The following TMEM19 variants were observed in gnomAD, a reference collection of about 807,000 sequenced individuals.
TMEM19 encodes the protein transmembrane protein 19.
A neutral mutation model predicts 33.6 loss-of-function variants in TMEM19; 21 were observed. The ratio of observed to expected loss-of-function variants is 0.62; its 90% CI spans 0.44 to 0.90. The LOEUF (loss-of-function observed/expected upper bound fraction) is 0.90, where lower values mean the gene tolerates loss of function less well. Ranked by LOEUF, TMEM19 falls within the 40% of genes least tolerant of loss-of-function variation. The probability of loss-of-function intolerance (pLI) is 0.00; values close to 1 mark genes in which losing one functional copy is unlikely to be tolerated. For synonymous variants in TMEM19, 149 were observed against 147.5 expected (o/e 1.01, Z -0.07); for missense variants, 402 against 401.8 (o/e 1.00, Z 0.00).
At chr12:71,696,880 C>T (rs771756348) in intron 3 of TMEM19, among the ~76,000 whole-genome samples, 2 of 152,114 alleles carry the variant, frequency 1.3e-5, no homozygotes, top group Non-Finnish European at 2.9e-5. Context: ...ATCTCCTGAC[C>T]TCGTGATCCG....
intron 2 of TMEM19, 107 bp downstream of exon 2, chr12:71,689,811 GTT>G (rs1268260499): frequency 2.6e-6 from 2 of 761,562 alleles, no homozygotes; most frequent in Non-Finnish European, 4.2e-6. Context: ...ACAAATCACA[GTT>G]ATATATTTTA....
At chr12:71,693,784 G>A (rs985443586) in intron 2 of TMEM19, among the ~76,000 whole-genome samples, 14 of 152,066 alleles carry the variant, frequency 9.2e-5, no homozygotes, top group Non-Finnish European at 1.5e-4. Flanking sequence ...TGCTGTTCTC[G>A]TGATAGTGAA....
At chr12:71,690,522 T>C (rs1881767507) in intron 2 of TMEM19, 2 of 152,184 alleles carry the variant, frequency 1.3e-5, no homozygotes, top group African/African-American at 4.8e-5. Context: ...GGGATAGATC[T>C]GTAAACAAAA....
chr12:71,689,412 T>C (rs1449120418), intron 1 of TMEM19, among the ~76,000 whole-genome samples, 179 bp from the exon 2 acceptor site: 2 of 152,222 alleles, frequency 1.3e-5, no homozygotes, highest in African/African-American at 4.8e-5. Context: ...TAAGGATGCA[T>C]TTCTCAGAAC....
chr12:71,691,965 A>G (rs1272958708), intron 2 of TMEM19, among the ~76,000 whole-genome samples: 2 of 152,214 alleles, frequency 1.3e-5, no homozygotes, highest in African/African-American at 4.8e-5. Flanking sequence ...GATTAGAATT[A>G]AAAGATATGA....
intron 1 of TMEM19, 72 bp downstream of exon 1, chr12:71,686,882 T>C (rs1881700114): frequency 1.4e-6 from 2 of 1,466,556 alleles, no homozygotes; most frequent in East Asian, 2.3e-5. Flanking sequence ...CATTGTGAAA[T>C]CCAAAACTCA....
chr12:71,690,145 C>T (rs7968519), intron 2 of TMEM19, among the ~76,000 whole-genome samples: 15,068 of 152,092 alleles, frequency 0.099, 1,041 homozygotes, highest in African/African-American at 0.19. Context: ...ACAGGATATG[C>T]ATTCATTCTT....
chr12:71,696,387 T>G, intron 2 of TMEM19, 49 bp from the exon 3 acceptor site: 1 of 1,410,390 alleles, frequency 7.1e-7, no homozygotes, highest in Non-Finnish European at 9.6e-7. Flanking sequence ...TTTCACAGCA[T>G]TGATGTATGA....
At position 71,697,502 on chromosome 12, in the gene TMEM19, G is replaced by C. The variant is rs753272057; in HGVS notation, c.605G>C (p.Arg202Thr). 1.3e-6 allele frequency: 2 copies of C among 1,584,894 alleles called. No homozygotes were observed. The highest frequency in any genetic ancestry group is 2.4e-5 in the South Asian group (2 of 84,004). ...CCAGTTCTGAGTAAAAGTTCTCCAA[G>C]ACTGATAACAACCTGGGAGAAAGTT... The part of the protein sequence containing the change: ...VGPVLSKSSP[R>T]LITTWEKVPV... Residue 202 changes from arginine to threonine, a missense_variant, in exon 4 of 6, where the codon AGA becomes ACA. Arg to Thr is a moderately conservative substitution (Grantham distance 71). Transcript: ENST00000266673.
At chr12:71,695,923 G>C (rs1881862775) in intron 2 of TMEM19, among the ~76,000 whole-genome samples, 1 of 152,154 alleles carries the variant, frequency 6.6e-6, no homozygotes, top group African/African-American at 2.4e-5. Context: ...AGGTACCAAA[G>C]TTAAATACCA....
At chr12:71,698,035 G>A (rs1412321173) in intron 4 of TMEM19, among the ~76,000 whole-genome samples, 1 of 152,166 alleles carries the variant, frequency 6.6e-6, no homozygotes, top group East Asian at 1.9e-4. Context: ...TCAGATTCGG[G>A]ATGTTCAACT....
chr12:71,694,220 C>G (rs1212182463), intron 2 of TMEM19, among the ~76,000 whole-genome samples: 1 of 152,108 alleles, frequency 6.6e-6, no homozygotes, highest in East Asian at 1.9e-4. Flanking sequence ...GCTCTGGTCT[C>G]TTGGAGAGAG....
intron 2 of TMEM19, among the ~76,000 whole-genome samples, chr12:71,691,750 A>T (rs1310746478): frequency 3.3e-5 from 5 of 151,886 alleles, no homozygotes; most frequent in Non-Finnish European, 7.4e-5. Flanking sequence ...AAGAAAAAAA[A>T]AAAAAGCTCT....
chr12:71,686,800 C>A lies in TMEM19; in HGVS notation c.120C>A (p.Ser40Arg). 6.2e-7 allele frequency: 1 copy of A among 1,610,010 alleles called. No individual in the cohort carries two copies. The highest frequency in any genetic ancestry group is 8.5e-7 in the Non-Finnish European group (1 of 1,178,776). The stretch of plus-strand genomic sequence containing the variant: ...TCTGGATTATATCAATGACTGCAAG[C>A]ACCTATTATGGTAAGTCTGAGTGTT... The part of the protein sequence containing the change: ...LAFWIISMTA[S>R]TYYGNLRPIS... The change falls in exon 1 of 6, where the codon AGC (serine) becomes AGA (arginine). Residue 40 changes from serine (S) to arginine (R), a missense_variant. Transcript: ENST00000266673.
At chr12:71,698,607 AAGAGAGAGAGAGAG>A (rs71068787) in intron 4 of TMEM19, among the ~76,000 whole-genome samples, 13,106 of 121,112 alleles carry the variant, frequency 0.11, 713 homozygotes, top group African/African-American at 0.15. Context: ...TGTCTCTGAA[AAGAGAGAGAGAGAG>A]AGAGAGAGAG....
At position 71,702,826 on chromosome 12, in the gene TMEM19, G is replaced by A. The variant is rs1222237578; in HGVS notation, c.*1831G>A. On this transcript the variant is annotated 3_prime_UTR_variant, in exon 6 of 6. Transcript: ENST00000266673. ...GTTGGACAATGAGGCCCATGCATGG[G>A]TATTTTTACAAAGCTCTCTGGGAGA... is the stretch of plus-strand genomic sequence containing the variant. The A allele has an allele frequency of 6.6e-6, 1 of 152,094 alleles. No homozygotes were observed. The highest frequency in any genetic ancestry group is 1.5e-5 in the Non-Finnish European group (1 of 68,026). The allele number at this position is 152,094 out of a possible 1,614,324, so 9.4% of individuals were successfully genotyped here.
intron 1 of TMEM19, among the ~76,000 whole-genome samples, chr12:71,687,276 T>A (rs1016836606): frequency 1.3e-5 from 2 of 152,358 alleles, no homozygotes; most frequent in African/African-American, 2.4e-5. Flanking sequence ...CTTTTAATTT[T>A]GAATAAGAAT....
At position 71,703,938 on chromosome 12, in the gene TMEM19, G is replaced by A. The variant is rs1409853239; in HGVS notation, c.*2943G>A. On this transcript the variant is annotated 3_prime_UTR_variant, in exon 6 of 6. Transcript: ENST00000266673. ...ATTTTACTGTAACATCTTTTGAATT[G>A]GATATTTAACTAATTCAACATATTT... is the stretch of plus-strand genomic sequence containing the variant. 8.7e-6 allele frequency: 3 copies of A among 346,716 alleles called. No homozygotes were observed. Among genetic ancestry groups the A allele is most frequent in the African/African-American group, 2.6e-5 (1 of 38,882 alleles). 21.5% of individuals were successfully genotyped at this position (346,716 alleles called of 1,614,324 possible). A position where few individuals can be genotyped will look rare whatever the true frequency, so the allele number is the denominator to read the frequency against.
chr12:71,695,676 A>G (rs1881858757), intron 2 of TMEM19, among the ~76,000 whole-genome samples: 1 of 152,204 alleles, frequency 6.6e-6, no homozygotes, highest in Non-Finnish European at 1.5e-5. Flanking sequence ...TAATAAGCAT[A>G]TTACAAAAAT....
Sources: allele counts gnomAD v4.1 joint callset (sites outside exome capture counted in the v4.1 genomes callset), GRCh38; gene constraint gnomAD v4.1.1; transcripts MANE v1.5; gene names NCBI Gene and HGNC (gene_info 2026-07-23, HGNC 2026-07-21).